Variants in FGGY observed in about 807,000 individuals in gnomAD.
The protein encoded by FGGY is FGGY carbohydrate kinase domain-containing protein.
A neutral mutation model predicts 71.3 loss-of-function variants in FGGY; 72 were observed. The observed-to-expected ratio is 1.01, with a 90% confidence interval of 0.84 to 1.23. The LOEUF (loss-of-function observed/expected upper bound fraction) is 1.23. FGGY is among the 50% of genes most tolerant of loss of function. The pLI, the probability that FGGY is intolerant of heterozygous loss-of-function variation, is 0.00. For synonymous variants in FGGY, 251 were observed against 250.3 expected (o/e 1.00, Z -0.02); for missense variants, 668 against 682.3 (o/e 0.98, Z 0.23).
At chr1:59,568,325 C>T (rs2095912011) in intron 8 of FGGY, among the ~76,000 whole-genome samples, 1 of 152,114 alleles carries the variant, frequency 6.6e-6, no homozygotes, top group Non-Finnish European at 1.5e-5. Context: ...TTCATCTGGC[C>T]TTTGGGCATG....
chr1:59,452,002 A>ATCT (rs1265081027), intron 5 of FGGY, among the ~76,000 whole-genome samples: 1 of 151,960 alleles, frequency 6.6e-6, no homozygotes, highest in East Asian at 1.9e-4. Flanking sequence ...GTGGGCTTAA[A>ATCT]TCTTACTTCA....
intron 8 of FGGY, among the ~76,000 whole-genome samples, chr1:59,573,890 C>T (rs1463247924): frequency 1.3e-5 from 2 of 152,198 alleles, no homozygotes; most frequent in African/African-American, 4.8e-5. Context: ...AAATTTAACA[C>T]TCAAGCTAAA....
intron 6 of FGGY, among the ~76,000 whole-genome samples, chr1:59,512,093 C>G (rs1427230776): frequency 6.6e-6 from 1 of 152,090 alleles, no homozygotes; most frequent in Non-Finnish European, 1.5e-5. Flanking sequence ...CTTTAGAGTT[C>G]CTTGTTTGTA....
intron 3 of FGGY, among the ~76,000 whole-genome samples, chr1:59,341,020 C>G (rs1008342194): frequency 6.6e-6 from 1 of 152,140 alleles, no homozygotes; most frequent in East Asian, 1.9e-4. Flanking sequence ...GTTAGAGAAC[C>G]CTTGATTCTG....
At chr1:59,317,658 T>C (rs1182755079) in intron 1 of FGGY, among the ~76,000 whole-genome samples, 1 of 152,112 alleles carries the variant, frequency 6.6e-6, no homozygotes, top group Non-Finnish European at 1.5e-5. Flanking sequence ...AGCTCACAGG[T>C]CGAATTTCAG....
chr1:59,359,802 A>G (rs191749189), intron 4 of FGGY, among the ~76,000 whole-genome samples: 91 of 152,288 alleles, frequency 6.0e-4, no homozygotes, highest in African/African-American at 2.2e-3. Flanking sequence ...TTGAAAAGCT[A>G]CATCAGTGTA....
chr1:59,526,744 G>A (rs1421401884), intron 7 of FGGY, among the ~76,000 whole-genome samples: 1 of 152,202 alleles, frequency 6.6e-6, no homozygotes, highest in Non-Finnish European at 1.5e-5. Context: ...ATTCAAATGT[G>A]CGAGAGGGGC....
At chr1:59,425,254 T>C (rs2066145483) in intron 5 of FGGY, among the ~76,000 whole-genome samples, 1 of 152,226 alleles carries the variant, frequency 6.6e-6, no homozygotes, top group Admixed American at 6.5e-5. Flanking sequence ...CGTAGTAACA[T>C]TTGATTAAAT....
intron 6 of FGGY, among the ~76,000 whole-genome samples, chr1:59,486,705 C>G (rs556018955): frequency 6.6e-6 from 1 of 152,220 alleles, no homozygotes; most frequent in South Asian, 2.1e-4. Flanking sequence ...ATGACATGAC[C>G]TATATGGAGT....
intron 8 of FGGY, among the ~76,000 whole-genome samples, chr1:59,562,158 A>G (rs1379067275): frequency 6.6e-6 from 1 of 152,246 alleles, no homozygotes; most frequent in Non-Finnish European, 1.5e-5. Context: ...GCATGTATTC[A>G]TACAAAAATT....
At chr1:59,645,659 T>G (rs1037068894) in intron 11 of FGGY, among the ~76,000 whole-genome samples, 1 of 152,224 alleles carries the variant, frequency 6.6e-6, no homozygotes, top group Non-Finnish European at 1.5e-5. Context: ...GCAGTTTCTA[T>G]TCACAAAAAA....
At chr1:59,311,509 T>C (rs2044325619) in intron 1 of FGGY, among the ~76,000 whole-genome samples, 1 of 152,266 alleles carries the variant, frequency 6.6e-6, no homozygotes, top group Admixed American at 6.5e-5. Flanking sequence ...TTTCTGTTCC[T>C]GTGTTAGTTT....
chr1:59,616,694 G>A (rs1239141913), intron 9 of FGGY, among the ~76,000 whole-genome samples: 1 of 151,928 alleles, frequency 6.6e-6, no homozygotes, highest in East Asian at 1.9e-4. Flanking sequence ...AGCTTACTGA[G>A]TATTTTTTTG....
intron 14 of FGGY, among the ~76,000 whole-genome samples, chr1:59,741,988 C>T (rs2098153700): frequency 6.6e-6 from 1 of 151,076 alleles, no homozygotes; most frequent in African/African-American, 2.4e-5. Flanking sequence ...CATGTAGTCC[C>T]AGCTGCTCAG....
intron 1 of FGGY, among the ~76,000 whole-genome samples, chr1:59,301,901 C>CTTTCT: frequency 7.2e-6 from 1 of 138,408 alleles, no homozygotes; most frequent in Admixed American, 7.2e-5. Flanking sequence ...TTCTTTCTTT[C>CTTTCT]TTTTTTTTTT....
chr1:59,716,458 T>C (rs985557192), intron 14 of FGGY, among the ~76,000 whole-genome samples: 33 of 152,244 alleles, frequency 2.2e-4, no homozygotes, highest in African/African-American at 7.7e-4. Context: ...AGAAACTACA[T>C]CTTGATCTCT....
At chr1:59,669,932 G>A (rs1382139716) in intron 13 of FGGY, among the ~76,000 whole-genome samples, 1 of 152,184 alleles carries the variant, frequency 6.6e-6, no homozygotes, top group Non-Finnish European at 1.5e-5. Flanking sequence ...GGCGGGGAGT[G>A]CAGCGGCTTC....
chr1:59,557,338 AT>A, intron 8 of FGGY, among the ~76,000 whole-genome samples: 1 of 152,154 alleles, frequency 6.6e-6, no homozygotes, highest in South Asian at 2.1e-4. Context: ...AATTTAGTAG[AT>A]TGAGACAAAA....
intron 7 of FGGY, among the ~76,000 whole-genome samples, chr1:59,538,000 A>T (rs1041598106): frequency 9.2e-5 from 14 of 152,288 alleles, no homozygotes; most frequent in African/African-American, 3.4e-4. Context: ...GACAAATGGG[A>T]TCTCATTAAA....
Sources: gnomAD v4.1 joint callset for allele counts (sites outside exome capture counted in the v4.1 genomes callset) on GRCh38, gnomAD v4.1.1 for gene constraint, MANE v1.5 for transcripts, NCBI Gene and HGNC (gene_info 2026-07-23, HGNC 2026-07-21) for gene names.